The following PAPSS1 variants were observed in gnomAD, a reference collection of about 807,000 sequenced individuals.
The protein encoded by PAPSS1 is 3'-phosphoadenosine 5'-phosphosulfate synthase 1, also known as bifunctional 3'-phosphoadenosine 5'-phosphosulfate synthase 1.
PAPSS1 carries 50 observed loss-of-function variants against 72.0 expected under a neutral mutation model. The observed-to-expected ratio is 0.69, with a 90% confidence interval of 0.55 to 0.88. The LOEUF (loss-of-function observed/expected upper bound fraction) is 0.88, where lower values mean the gene tolerates loss of function less well. Ranked by LOEUF, PAPSS1 falls within the 40% of genes least tolerant of loss-of-function variation. The pLI is 0.00. For missense variants in PAPSS1, 657 were observed against 782.2 expected, an observed-to-expected ratio of 0.84 and a Z score of 1.91; for synonymous variants, 261 against 263.6, an observed-to-expected ratio of 0.99 and a Z score of 0.09.
In PAPSS1 at chr4:107,716,545, C is replaced by A. The variant is rs1233555213; in HGVS notation, c.60+3575G>T. ...TAAGGCAGGTCCAACAGGGTTTCAG[C>A]CCAATATGATTCTACAAAATGGGTG... On this transcript the variant is annotated intron_variant, in intron 1 of 11. Transcript: ENST00000265174. Among the ~76,000 whole-genome samples, 4 of 152,166 alleles carry A rather than the reference C, an allele frequency of 2.6e-5. No homozygotes were observed. The East Asian group carries it at 7.7e-4, about 29-fold the overall frequency.
At chr4:107,662,571 C>T (rs1171842665) in intron 5 of PAPSS1, among the ~76,000 whole-genome samples, 6 of 149,088 alleles carry the variant, frequency 4.0e-5, no homozygotes, top group Non-Finnish European at 8.9e-5. Context: ...ATAGTTTATA[C>T]ATAATACCAG....
At position 107,720,140 on chromosome 4, in the gene PAPSS1, T is replaced by C. The variant is rs755978169; in HGVS notation, c.40A>G (p.Ser14Gly). The C allele has an allele frequency of 4.4e-5, 70 of 1,606,724 alleles. No individual in the cohort carries two copies. The highest frequency in any genetic ancestry group is 5.7e-5 in the Non-Finnish European group (67 of 1,176,914). Reference sequence around the variant, plus strand: ...CTTACCCAGTTCTGCGCGTTATTGCTCAGTTTGACTTTCTTGCACAGGCTC... The same window carrying C: ...CTTACCCAGTTCTGCGCGTTATTGCCCAGTTTGACTTTCTTGCACAGGCTC... Reference protein sequence around the residue: ...PGSLCKKVKLSNNAQNWGMQR... With the variant: ...PGSLCKKVKLGNNAQNWGMQR... Residue 14 changes from serine (S) to glycine (G), a missense_variant, in exon 1 of 12, where the codon AGC becomes GGC. Ser to Gly is a moderately conservative substitution (Grantham distance 56). Transcript: ENST00000265174.
In PAPSS1 at chr4:107,631,726, C is replaced by T. The variant is rs370905518; in HGVS notation, c.1641G>A (p.Thr547=). Residue 547 remains threonine, a synonymous_variant, in exon 11 of 12, where the codon ACG becomes ACA. Transcript: ENST00000265174. ...YEPSHGAKVL[T]MAPGLITLEI... is the part of the protein sequence containing the mutation. The stretch of plus-strand genomic sequence containing the variant: ...CCAAAGTGATTAAACCAGGGGCCAT[C>T]GTCAGCACTTTGGCACCATGACTTG... The T allele has an allele frequency of 5.6e-6, 9 of 1,613,990 alleles. No homozygotes were observed. The highest frequency in any genetic ancestry group is 3.3e-4 in the Middle Eastern group (2 of 6,084).
intron 10 of PAPSS1, among the ~76,000 whole-genome samples, chr4:107,643,600 T>A (rs1464398907): frequency 6.6e-6 from 1 of 152,120 alleles, no homozygotes; most frequent in African/African-American, 2.4e-5. Flanking sequence ...TCTCAGGGTA[T>A]CCAATCTTAA....
Position 107,653,488 on chromosome 4 carries a change from T to C in PAPSS1, c.1237+3A>G. ...ATATTAGGTAATTAAATCCATGTCT[T>C]ACCAGCATTCATATCTTTAAATTTC... On this transcript the variant is annotated splice_donor_region_variant and intron_variant, in intron 9 of 11. Coordinates refer to ENST00000265174, the MANE Select transcript of PAPSS1 (RefSeq NM_005443.5). The C allele has an allele frequency of 1.2e-6, 2 of 1,610,368 alleles. No homozygotes were observed. Among genetic ancestry groups the C allele is most frequent in the Admixed American group, 1.7e-5 (1 of 59,422 alleles).
At chr4:107,691,813 A>G (rs1660966434) in intron 3 of PAPSS1, among the ~76,000 whole-genome samples, 1 of 152,244 alleles carries the variant, frequency 6.6e-6, no homozygotes, top group Non-Finnish European at 1.5e-5. Flanking sequence ...TAAGTGTTCA[A>G]TAAATGTTAA....
At chr4:107,651,712 A>T (rs1357614195) in intron 9 of PAPSS1, among the ~76,000 whole-genome samples, 2 of 152,166 alleles carry the variant, frequency 1.3e-5, no homozygotes, top group Non-Finnish European at 2.9e-5. Flanking sequence ...ATTACCTCCC[A>T]CTGGGTCCTT....
At position 107,632,113 on chromosome 4, in the gene PAPSS1, TATAAG is replaced by T. The variant is rs1369042010; in HGVS notation, c.1507-258_1507-254del. Among the ~76,000 whole-genome samples the T allele has an allele frequency of 4.6e-5, 7 of 152,222 alleles. No homozygotes were observed. In the East Asian group the frequency reaches 9.6e-4, roughly 21 times the overall value. ...TATGTATATATATTTATGTATTACTTATAAGATATATGTAAACATACATGTGTCTA... is the reference window on the plus strand; with the variant it reads ...TATGTATATATATTTATGTATTACTTATATATGTAAACATACATGTGTCTA... On this transcript the variant is annotated intron_variant, in intron 10 of 11. Coordinates refer to ENST00000265174, the MANE Select transcript of PAPSS1 (RefSeq NM_005443.5).
chr4:107,640,854 C>T (rs1726519797), intron 10 of PAPSS1, among the ~76,000 whole-genome samples: 1 of 152,196 alleles, frequency 6.6e-6, no homozygotes, highest in Non-Finnish European at 1.5e-5. Flanking sequence ...ACAATTCACA[C>T]TCCAGACAGA....
intron 5 of PAPSS1, among the ~76,000 whole-genome samples, chr4:107,675,721 G>A (rs1179837905): frequency 1.3e-5 from 2 of 152,090 alleles, no homozygotes; most frequent in Admixed American, 6.6e-5. Context: ...GCCTGGCAGA[G>A]ACACAGCAAA....
chr4:107,668,796 T>C (rs6843368), intron 5 of PAPSS1, among the ~76,000 whole-genome samples: 1,651 of 152,138 alleles, frequency 0.011, 32 homozygotes, highest in African/African-American at 0.036. Flanking sequence ...AAAATATATA[T>C]ACACACACAC....
chr4:107,710,173 T>G (rs1055696244), intron 1 of PAPSS1, among the ~76,000 whole-genome samples: 4 of 152,240 alleles, frequency 2.6e-5, no homozygotes, highest in Non-Finnish European at 5.9e-5. Context: ...CACCTCTAAA[T>G]TTCTATTCTT....
At chr4:107,623,151 G>T (rs1726012133) in intron 11 of PAPSS1, among the ~76,000 whole-genome samples, 1 of 152,028 alleles carries the variant, frequency 6.6e-6, no homozygotes, top group African/African-American at 2.4e-5. Context: ...TAACTTTTAT[G>T]TTCCATGTGG....
intron 2 of PAPSS1, among the ~76,000 whole-genome samples, chr4:107,694,745 G>C (rs1466661795): frequency 6.6e-6 from 1 of 152,126 alleles, no homozygotes; most frequent in East Asian, 1.9e-4. Flanking sequence ...AATTTTAATA[G>C]AACACCCTCA....
chr4:107,634,214 C>G (rs1192568530), intron 10 of PAPSS1, among the ~76,000 whole-genome samples: 1 of 151,872 alleles, frequency 6.6e-6, no homozygotes, highest in Non-Finnish European at 1.5e-5. Context: ...CAAGGTCTTG[C>G]CATGTTCCCC....
intron 1 of PAPSS1, among the ~76,000 whole-genome samples, chr4:107,703,484 A>C (rs1723258473): frequency 6.7e-6 from 1 of 149,944 alleles, no homozygotes; most frequent in South Asian, 2.1e-4. Context: ...TAGCAGTTTT[A>C]GACTTTCTGA....
intron 1 of PAPSS1, among the ~76,000 whole-genome samples, chr4:107,705,133 T>C (rs904559924): frequency 1.3e-5 from 2 of 152,218 alleles, no homozygotes; most frequent in Admixed American, 1.3e-4. Context: ...TCTTCTAGTG[T>C]CCTTTTGTGG....
intron 11 of PAPSS1, 105 bp from the exon 12 acceptor site, chr4:107,614,492 A>C: frequency 1.2e-6 from 1 of 804,136 alleles, no homozygotes; most frequent in South Asian, 1.9e-5. Flanking sequence ...AATGAAAAAA[A>C]AATACTGAAC....
chr4:107,649,867 C>T (rs998553884), intron 9 of PAPSS1, among the ~76,000 whole-genome samples: 1 of 152,248 alleles, frequency 6.6e-6, no homozygotes, highest in Non-Finnish European at 1.5e-5. Context: ...CACTAACAGG[C>T]TCTTACTTGG....
Sources: allele counts gnomAD v4.1 joint callset (sites outside exome capture counted in the v4.1 genomes callset), GRCh38; gene constraint gnomAD v4.1.1; transcripts MANE v1.5; gene names NCBI Gene and HGNC (gene_info 2026-07-23, HGNC 2026-07-21).